The following CDH13 variants were observed in gnomAD, a reference collection of about 807,000 sequenced individuals.
CDH13 encodes cadherin 13, also known as cadherin-13.
Under a neutral mutation model 63.8 loss-of-function variants are expected in CDH13, and 24 were observed. That is an observed-to-expected ratio of 0.38 (90% CI 0.27 to 0.53). The LOEUF (loss-of-function observed/expected upper bound fraction) is 0.53, where lower values mean the gene tolerates loss of function less well. CDH13 is among the 20% of genes least tolerant of loss of function. CDH13 has a pLI of 0.85. For synonymous variants in CDH13, 503 were observed against 355.3 expected, an observed-to-expected ratio of 1.42 and a Z score of -4.67; for missense variants, 1,049 against 903.1, an observed-to-expected ratio of 1.16 and a Z score of -2.07.
At chr16:83,316,394 G>A (rs191435326) in intron 5 of CDH13, among the ~76,000 whole-genome samples, 5 of 152,262 alleles carry the variant, frequency 3.3e-5, no homozygotes, top group Admixed American at 1.3e-4. Flanking sequence ...TATGTGTCAC[G>A]AGCCTGGATT....
chr16:83,622,880 C>A (rs1214284932), intron 8 of CDH13, among the ~76,000 whole-genome samples: 1 of 152,114 alleles, frequency 6.6e-6, no homozygotes, highest in Non-Finnish European at 1.5e-5. Context: ...ACACAGGCTG[C>A]GGGCTGAAGG....
chr16:83,712,736 A>T (rs1286692441), intron 10 of CDH13, among the ~76,000 whole-genome samples: 1 of 152,204 alleles, frequency 6.6e-6, no homozygotes. Flanking sequence ...AGTATTACAG[A>T]CATTGTTTTC....
intron 1 of CDH13, among the ~76,000 whole-genome samples, chr16:82,814,372 A>G (rs1204425860): frequency 6.6e-6 from 1 of 152,124 alleles, no homozygotes; most frequent in Admixed American, 6.6e-5. Context: ...ATGTATTTTT[A>G]GAAGGTTGGG....
At chr16:83,034,721 G>A (rs986410488) in intron 3 of CDH13, among the ~76,000 whole-genome samples, 1 of 152,120 alleles carries the variant, frequency 6.6e-6, no homozygotes, top group Non-Finnish European at 1.5e-5. Context: ...TTGCTTCAAA[G>A]AGAGCAGAAG....
intron 6 of CDH13, among the ~76,000 whole-genome samples, chr16:83,378,823 A>G (rs1030265318): frequency 7.9e-5 from 12 of 152,178 alleles, no homozygotes; most frequent in African/African-American, 2.9e-4. Context: ...GAAAGATTTT[A>G]CAAACACCCT....
chr16:83,062,093 T>C (rs2151524754), intron 3 of CDH13, among the ~76,000 whole-genome samples: 1 of 152,262 alleles, frequency 6.6e-6, no homozygotes, highest in Non-Finnish European at 1.5e-5. Flanking sequence ...CTGTGGCCTC[T>C]CTTGGATGGA....
chr16:83,437,570 G>A (rs556103205), intron 6 of CDH13, among the ~76,000 whole-genome samples: 66 of 152,060 alleles, frequency 4.3e-4, no homozygotes, highest in African/African-American at 1.4e-3. Flanking sequence ...CCAGCTACTC[G>A]GGAGGCTGAG....
chr16:83,710,449 C>G (rs922126076), intron 10 of CDH13: 10 of 152,150 alleles, frequency 6.6e-5, no homozygotes. Context: ...TGGCATGGAA[C>G]TTGGGCTATA....
intron 6 of CDH13, among the ~76,000 whole-genome samples, chr16:83,390,594 C>G (rs2091767574): frequency 6.6e-6 from 1 of 151,928 alleles, no homozygotes; most frequent in Non-Finnish European, 1.5e-5. Context: ...CTATTATCAA[C>G]AAGAATATGC....
chr16:83,309,134 C>T (rs896274925), intron 5 of CDH13, among the ~76,000 whole-genome samples: 1 of 152,168 alleles, frequency 6.6e-6, no homozygotes, highest in African/African-American at 2.4e-5. Context: ...GTTTCTTCTG[C>T]ATGTACATGA....
chr16:83,462,706 A>G (rs375760437), intron 6 of CDH13, among the ~76,000 whole-genome samples: 2 of 152,230 alleles, frequency 1.3e-5, no homozygotes, highest in African/African-American at 4.8e-5. Flanking sequence ...CAGTAAGTCA[A>G]GATCATGCCA....
At chr16:82,700,951 A>ACCACCCCCCCCCCC (rs1567641690) in intron 1 of CDH13, among the ~76,000 whole-genome samples, 2 of 13,806 alleles carry the variant, frequency 1.4e-4, no homozygotes, top group Non-Finnish European at 4.1e-4. Context: ...AAGTGCTGGA[A>ACCACCCCCCCCCCC]CCCGCCCCCC....
intron 3 of CDH13, among the ~76,000 whole-genome samples, chr16:83,050,124 T>C (rs1480315974): frequency 6.6e-6 from 1 of 152,166 alleles, no homozygotes; most frequent in Non-Finnish European, 1.5e-5. Flanking sequence ...GGTTTCCACT[T>C]AGAGCAAGAT....
At chr16:83,498,410 G>A (rs894784728) in intron 7 of CDH13, among the ~76,000 whole-genome samples, 21 of 152,156 alleles carry the variant, frequency 1.4e-4, no homozygotes, top group African/African-American at 4.1e-4. Context: ...ACCAGGCTTG[G>A]GACATTTTCC....
intron 7 of CDH13, among the ~76,000 whole-genome samples, chr16:83,586,743 C>T (rs1325836990): frequency 3.9e-5 from 6 of 152,114 alleles, no homozygotes; most frequent in East Asian, 1.9e-4. Context: ...GTCAGAGAAG[C>T]TGACTGTACC....
chr16:82,953,055 C>G lies in CDH13; in HGVS notation c.158-78955C>G, dbSNP rs741589. On this transcript the variant is annotated intron_variant, in intron 2 of 13. Transcript: ENST00000567109. ...TAAGCGATAGAGAATTAGATATCCTCTTTGCTGTACTGTTCCAAACTGCTT... is the reference window on the plus strand; with the variant it reads ...TAAGCGATAGAGAATTAGATATCCTGTTTGCTGTACTGTTCCAAACTGCTT... Among the ~76,000 whole-genome samples, 528 of 152,314 alleles carry G rather than the reference C, an allele frequency of 3.5e-3. 2 individuals are homozygous for G. Among genetic ancestry groups the G allele is most frequent in the Middle Eastern group, 0.024 (7 of 294 alleles).
chr16:83,227,523 T>C (rs1339719934), intron 5 of CDH13, among the ~76,000 whole-genome samples: 1 of 152,192 alleles, frequency 6.6e-6, no homozygotes, highest in Non-Finnish European at 1.5e-5. Flanking sequence ...CATGTCGTCA[T>C]GCAATGCTGG....
At chr16:83,781,704 A>G (rs1242114583) in intron 12 of CDH13, among the ~76,000 whole-genome samples, 1 of 151,828 alleles carries the variant, frequency 6.6e-6, no homozygotes, top group Non-Finnish European at 1.5e-5. Flanking sequence ...TTATGGCTAT[A>G]GCCTATTTGA....
At chr16:83,083,517 C>G (rs995487091) in intron 3 of CDH13, among the ~76,000 whole-genome samples, 1 of 152,098 alleles carries the variant, frequency 6.6e-6, no homozygotes. Flanking sequence ...ACTGACATGC[C>G]CAGTATCACA....
Sources: gnomAD v4.1 joint callset for allele counts (sites outside exome capture counted in the v4.1 genomes callset) on GRCh38, gnomAD v4.1.1 for gene constraint, MANE v1.5 for transcripts, NCBI Gene and HGNC (gene_info 2026-07-23, HGNC 2026-07-21) for gene names.